Variants in CCDC30 observed in about 807,000 individuals in gnomAD.
CCDC30 encodes the protein coiled-coil domain-containing protein 30.
A neutral mutation model predicts 100.2 loss-of-function variants in CCDC30; 70 were observed. The ratio of observed to expected loss-of-function variants is 0.70; its 90% CI spans 0.58 to 0.85. CCDC30 has a LOEUF of 0.85. Ranked by LOEUF, CCDC30 falls within the 40% of genes least tolerant of loss-of-function variation. The pLI is 0.00. For missense variants in CCDC30, 652 were observed against 771.2 expected (o/e 0.85, Z 1.83); for synonymous variants, 233 against 269.5 (o/e 0.86, Z 1.33).
chr1:42,611,875 C>T (rs1646632589), intron 11 of CCDC30, among the ~76,000 whole-genome samples: 1 of 152,070 alleles, frequency 6.6e-6, no homozygotes, highest in Admixed American at 6.6e-5. Flanking sequence ...ACAGGGGTCT[C>T]ACTATGTTGC....
chr1:42,517,741 CGTTCTACCAA>C (rs1644577638), intron 6 of CCDC30, among the ~76,000 whole-genome samples: 1 of 152,126 alleles, frequency 6.6e-6, no homozygotes, highest in Admixed American at 6.5e-5. Flanking sequence ...TTGATGGCTT[CGTTCTACCAA>C]ACATTTAAAT....
chr1:42,522,276 T>C (rs1230072232), intron 6 of CCDC30, among the ~76,000 whole-genome samples: 2 of 152,186 alleles, frequency 1.3e-5, no homozygotes, highest in Non-Finnish European at 2.9e-5. Context: ...CCAACTGTAG[T>C]TGGACTTTTT....
chr1:42,481,311 C>T (rs1429852372), intron 2 of CCDC30, among the ~76,000 whole-genome samples: 1 of 152,086 alleles, frequency 6.6e-6, no homozygotes, highest in Non-Finnish European at 1.5e-5. Flanking sequence ...TGCAGTGGCT[C>T]ATACCTGTAA....
chr1:42,566,823 G>A (rs4611068), intron 7 of CCDC30, among the ~76,000 whole-genome samples: 151,023 of 152,256 alleles, frequency 0.99, 74,913 homozygotes, highest in East Asian at 1. Flanking sequence ...TATTGGTTCA[G>A]TCAGATCTCA....
At chr1:42,564,140 C>G (rs1270692846) in intron 6 of CCDC30, among the ~76,000 whole-genome samples, 1 of 152,130 alleles carries the variant, frequency 6.6e-6, no homozygotes, top group Non-Finnish European at 1.5e-5. Flanking sequence ...TAAGGAAACT[C>G]TAAGAATATC....
intron 3 of CCDC30, among the ~76,000 whole-genome samples, chr1:42,483,330 T>C (rs1166231636): frequency 6.6e-6 from 1 of 152,234 alleles, no homozygotes; most frequent in African/African-American, 2.4e-5. Context: ...TTGTCTATTA[T>C]GAATATTGCT....
At chr1:42,495,466 C>A (rs1029634329) in intron 4 of CCDC30, among the ~76,000 whole-genome samples, 1 of 151,450 alleles carries the variant, frequency 6.6e-6, no homozygotes, top group African/African-American at 2.4e-5. Flanking sequence ...TGTAACTAAC[C>A]TGCACATTGT....
chr1:42,513,678 G>C (rs1207867138), intron 6 of CCDC30, among the ~76,000 whole-genome samples: 1 of 152,044 alleles, frequency 6.6e-6, no homozygotes, highest in East Asian at 1.9e-4. Flanking sequence ...ACCTTAATGA[G>C]GACTTCCTTA....
rs144401638 is a variant in CCDC30 at position 42,519,788 on chromosome 1, T to G, written c.456+20872T>G. ...CAGGCTGGTCTCAAACTCCTGACCT[T>G]GTGATTCGCCCACCTCAGCCTCCCA... is the stretch of plus-strand genomic sequence containing the variant. On this transcript the variant is annotated intron_variant, in intron 6 of 16. Coordinates refer to ENST00000668663, the Ensembl canonical transcript of CCDC30. Among the ~76,000 whole-genome samples, 974 of 151,698 alleles carry G rather than the reference T, an allele frequency of 6.4e-3. 5 individuals are homozygous for G. The highest frequency in any genetic ancestry group is 0.031 in the Middle Eastern group (9 of 294).
At chr1:42,599,456 A>T (rs1646358461) in intron 10 of CCDC30, among the ~76,000 whole-genome samples, 1 of 152,198 alleles carries the variant, frequency 6.6e-6, no homozygotes, top group South Asian at 2.1e-4. Context: ...TAAAATGCTC[A>T]ATTAAAGTCA....
chr1:42,580,733 AT>A, intron 8 of CCDC30: 2 of 366,938 alleles, frequency 5.5e-6, no homozygotes, highest in Non-Finnish European at 1.1e-5. Context: ...TGTAAATCAT[AT>A]TTTTAGTTCT....
intron 6 of CCDC30, among the ~76,000 whole-genome samples, chr1:42,542,260 G>A (rs1011716250): frequency 6.6e-6 from 1 of 152,194 alleles, no homozygotes; most frequent in African/African-American, 2.4e-5. Context: ...ACTTTGTCAT[G>A]TGAGAATTCA....
At chr1:42,631,264 G>A (rs1403530523) in intron 11 of CCDC30, among the ~76,000 whole-genome samples, 2 of 152,178 alleles carry the variant, frequency 1.3e-5, no homozygotes, top group Admixed American at 1.3e-4. Flanking sequence ...TGAATTCCCT[G>A]GATTACTAGG....
At chr1:42,588,103 A>G (rs1276931991) in intron 9 of CCDC30, among the ~76,000 whole-genome samples, 1 of 152,180 alleles carries the variant, frequency 6.6e-6, no homozygotes, top group African/African-American at 2.4e-5. Flanking sequence ...CATTTTCTGT[A>G]TGCTACGATC....
intron 7 of CCDC30, among the ~76,000 whole-genome samples, chr1:42,570,533 A>T (rs1002309576): frequency 3.3e-5 from 5 of 152,078 alleles, no homozygotes; most frequent in Non-Finnish European, 7.4e-5. Flanking sequence ...ATGCCAGCAC[A>T]CTAGTGGCCC....
intron 7 of CCDC30, among the ~76,000 whole-genome samples, chr1:42,573,572 C>T (rs1008311367): frequency 2.6e-5 from 4 of 151,938 alleles, no homozygotes; most frequent in African/African-American, 9.7e-5. Flanking sequence ...ATATGTTAAA[C>T]CTTTCATTCT....
chr1:42,627,037 G>T (rs1459324728), intron 11 of CCDC30, among the ~76,000 whole-genome samples: 1 of 152,194 alleles, frequency 6.6e-6, no homozygotes, highest in East Asian at 1.9e-4. Flanking sequence ...GGGCTCAGAA[G>T]AAGACAGGAA....
chr1:42,573,098 T>A (rs1198811374), intron 7 of CCDC30, among the ~76,000 whole-genome samples: 1 of 152,194 alleles, frequency 6.6e-6, no homozygotes, highest in Non-Finnish European at 1.5e-5. Context: ...CCTTTGGGGT[T>A]CCTATATAAG....
Position 42,566,278 on chromosome 1 carries a change from T to C in CCDC30, c.457-18T>C, listed in dbSNP as rs1255319671. 1.9e-6 allele frequency: 3 copies of C among 1,598,060 alleles called. No homozygotes were observed. Among genetic ancestry groups the C allele is most frequent in the Non-Finnish European group, 2.6e-6 (3 of 1,168,320 alleles). ...CTTTCCAATTGTCTGTGTTTCTCTT[T>C]TAAAATGTTTGCTTTAGCATCCATC... On this transcript the variant is annotated intron_variant, in intron 6 of 16. Transcript: ENST00000668663.
Sources: gnomAD v4.1 joint callset for allele counts (sites outside exome capture counted in the v4.1 genomes callset) on GRCh38, gnomAD v4.1.1 for gene constraint, MANE v1.5 for transcripts, NCBI Gene and HGNC (gene_info 2026-07-23, HGNC 2026-07-21) for gene names.